Variants in ARNT2 observed in about 807,000 individuals in gnomAD.
ARNT2 encodes aryl hydrocarbon receptor nuclear translocator 2.
Under a neutral mutation model 91.7 loss-of-function variants are expected in ARNT2, and 36 were observed. That is an observed-to-expected ratio of 0.39 (90% confidence interval 0.30 to 0.52). ARNT2 has a LOEUF of 0.52. Ranked by LOEUF, ARNT2 falls within the 20% of genes least tolerant of loss-of-function variation. The pLI is 0.72. For missense variants in ARNT2, 775 were observed against 939.3 expected, an observed-to-expected ratio of 0.83 and a Z score of 2.29; for synonymous variants, 365 against 347.1, an observed-to-expected ratio of 1.05 and a Z score of -0.57.
At chr15:80,466,613 A>G (rs1402460940) in intron 3 of ARNT2, among the ~76,000 whole-genome samples, 1 of 152,214 alleles carries the variant, frequency 6.6e-6, no homozygotes, top group Non-Finnish European at 1.5e-5. Context: ...CCCAGCAAAC[A>G]TGATCTTGGA....
chr15:80,404,453 G>C lies in ARNT2; in HGVS notation c.-63G>C. 8.8e-7 allele frequency: 1 copy of C among 1,130,948 alleles called. No homozygotes were observed. Among genetic ancestry groups the C allele is most frequent in the East Asian group, 7.3e-5 (1 of 13,786 alleles). The allele number at this position is 1,130,948 out of a possible 1,614,324, so 70.1% of individuals were successfully genotyped here. ...CCTGACCGGGTCCCCGGGGCTGAGC[G>C]CCGGGCTCCGCGCCGCCCCTCCCGC... is the stretch of plus-strand genomic sequence containing the variant. On this transcript the variant is annotated 5_prime_UTR_variant, in exon 1 of 19. Transcript: ENST00000303329. This position sits in a 1 kb window ranked among gnomAD's most constrained non-coding sequence, Gnocchi z 5.5.
chr15:80,488,366 A>C (rs1897005867), intron 5 of ARNT2, among the ~76,000 whole-genome samples: 1 of 152,190 alleles, frequency 6.6e-6, no homozygotes, highest in Non-Finnish European at 1.5e-5. Flanking sequence ...GCTTCTTTGT[A>C]ATGCTAAAAG....
chr15:80,526,000 C>A (rs1367305872), intron 8 of ARNT2, among the ~76,000 whole-genome samples: 2 of 152,160 alleles, frequency 1.3e-5, no homozygotes, highest in Non-Finnish European at 2.9e-5. Context: ...GGGGAGTGAA[C>A]AAGGGTTATT....
intron 14 of ARNT2, among the ~76,000 whole-genome samples, chr15:80,576,084 CA>C (rs1174218114): frequency 1.3e-5 from 2 of 152,132 alleles, no homozygotes; most frequent in Admixed American, 1.3e-4. Flanking sequence ...GAAACTGAGG[CA>C]GGGGATGATT....
intron 8 of ARNT2, among the ~76,000 whole-genome samples, chr15:80,524,346 G>A (rs565290316): frequency 1.1e-4 from 16 of 152,282 alleles, no homozygotes; most frequent in Middle Eastern, 3.4e-3. Flanking sequence ...CTGGCAGTGT[G>A]TATTAAATAT....
chr15:80,465,025 G>C (rs562056144), intron 3 of ARNT2, among the ~76,000 whole-genome samples: 1 of 152,154 alleles, frequency 6.6e-6, no homozygotes, highest in Non-Finnish European at 1.5e-5. Flanking sequence ...TACCCTAACT[G>C]GTCAAATCTC....
intron 5 of ARNT2, among the ~76,000 whole-genome samples, chr15:80,486,740 G>C (rs919107315): frequency 1.3e-5 from 2 of 152,172 alleles, no homozygotes; most frequent in Non-Finnish European, 1.5e-5. Flanking sequence ...TGGGGGATAG[G>C]AATACTCACT....
At chr15:80,469,064 T>G (rs1896697749) in intron 3 of ARNT2, among the ~76,000 whole-genome samples, 1 of 152,200 alleles carries the variant, frequency 6.6e-6, no homozygotes, top group Non-Finnish European at 1.5e-5. Context: ...CACTCTCATT[T>G]TTTGAACACC....
intron 12 of ARNT2, 159 bp from the exon 13 acceptor site, chr15:80,573,989 T>C (rs113927540): frequency 9.7e-6 from 6 of 615,748 alleles, no homozygotes; most frequent in African/African-American, 7.3e-5. Flanking sequence ...GGAGTCTTGA[T>C]TTAGGGCATT....
intron 5 of ARNT2, among the ~76,000 whole-genome samples, chr15:80,499,207 A>G (rs1046555349): frequency 6.6e-6 from 1 of 152,180 alleles, no homozygotes; most frequent in Non-Finnish European, 1.5e-5. Context: ...TGGCATATCA[A>G]TGATCAAATA....
intron 5 of ARNT2, among the ~76,000 whole-genome samples, chr15:80,479,720 C>T (rs1896857743): frequency 6.6e-6 from 1 of 152,166 alleles, no homozygotes; most frequent in Non-Finnish European, 1.5e-5. Context: ...ATTCTGAAGG[C>T]TCAGCAGAAA....
chr15:80,509,894 G>T (rs551625388), intron 6 of ARNT2, among the ~76,000 whole-genome samples: 1 of 152,306 alleles, frequency 6.6e-6, no homozygotes, highest in South Asian at 2.1e-4. Context: ...AGATGTGGTT[G>T]AGAGGTAGTG....
chr15:80,419,291 T>C (rs1459222203), intron 1 of ARNT2, among the ~76,000 whole-genome samples: 1 of 152,188 alleles, frequency 6.6e-6, no homozygotes, highest in Non-Finnish European at 1.5e-5. Flanking sequence ...CCAGATCCCC[T>C]TCAGGTCCAC....
intron 11 of ARNT2, among the ~76,000 whole-genome samples, chr15:80,557,984 G>A (rs907344675): frequency 2.6e-5 from 4 of 152,136 alleles, no homozygotes; most frequent in South Asian, 2.1e-4. Flanking sequence ...ACCTGGCCCC[G>A]TCTCATCCTC....
intron 5 of ARNT2, among the ~76,000 whole-genome samples, chr15:80,476,747 A>T (rs1896808536): frequency 6.6e-6 from 1 of 152,246 alleles, no homozygotes; most frequent in Admixed American, 6.5e-5. Context: ...ATAGTTCTGG[A>T]GGCTGGGCAT....
At chr15:80,431,150 AAAAC>A in intron 1 of ARNT2, among the ~76,000 whole-genome samples, 1 of 152,242 alleles carries the variant, frequency 6.6e-6, no homozygotes, top group East Asian at 1.9e-4. Flanking sequence ...AATAAAGACA[AAAAC>A]AAAACCAGAA....
chr15:80,453,794 GAA>G (rs1022281767), intron 2 of ARNT2, among the ~76,000 whole-genome samples: 5 of 152,300 alleles, frequency 3.3e-5, no homozygotes, highest in Middle Eastern at 3.4e-3. Context: ...AGAGGGGAAA[GAA>G]GAGAGAGGAG....
chr15:80,551,330 G>C, intron 9 of ARNT2, 55 bp downstream of exon 9: 3 of 1,517,316 alleles, frequency 2.0e-6, no homozygotes, highest in Non-Finnish European at 2.7e-6. Flanking sequence ...TTGCCACAAA[G>C]TGCAGAAGAC....
intron 1 of ARNT2, among the ~76,000 whole-genome samples, chr15:80,416,798 T>G (rs954550043): frequency 3.9e-5 from 6 of 152,184 alleles, no homozygotes; most frequent in African/African-American, 1.4e-4. Flanking sequence ...ACCCCAAAAG[T>G]GCAGTTGTAT....
Sources: allele counts gnomAD v4.1 joint callset (sites outside exome capture counted in the v4.1 genomes callset), GRCh38; gene constraint gnomAD v4.1.1; non-coding constraint Gnocchi (gnomAD v3.1); transcripts MANE v1.5; gene names NCBI Gene and HGNC (gene_info 2026-07-23, HGNC 2026-07-21).